UNC5D: variants seen among roughly 807,000 people sequenced by gnomAD.
UNC5D encodes the protein unc-5 netrin receptor D.
UNC5D carries 39 observed loss-of-function variants against 105.4 expected under a neutral mutation model. That is an observed-to-expected ratio of 0.37 (90% CI 0.29 to 0.48). UNC5D has a LOEUF of 0.48. Among genes scored for constraint, UNC5D ranks in the 20% least tolerant of loss-of-function variants. The probability of loss-of-function intolerance (pLI) is 0.98; values close to 1 mark genes in which losing one functional copy is unlikely to be tolerated. For missense variants in UNC5D, 991 were observed against 1,202.4 expected, an observed-to-expected ratio of 0.82 and a Z score of 2.60; for synonymous variants, 452 against 450.4, an observed-to-expected ratio of 1.00 and a Z score of -0.04.
chr8:35,383,904 C>A (rs940688881), intron 1 of UNC5D, among the ~76,000 whole-genome samples: 13 of 151,958 alleles, frequency 8.6e-5, no homozygotes, highest in African/African-American at 1.2e-4. Context: ...CATAACAAGA[C>A]CCTGTCTCTA....
intron 1 of UNC5D, among the ~76,000 whole-genome samples, chr8:35,505,993 G>C (rs1199600497): frequency 6.6e-6 from 1 of 152,178 alleles, no homozygotes; most frequent in Non-Finnish European, 1.5e-5. Context: ...TCCTTGACGT[G>C]TGTTTAGCTA....
chr8:35,237,435 C>T (rs957804871), intron 1 of UNC5D, among the ~76,000 whole-genome samples: 1 of 152,058 alleles, frequency 6.6e-6, no homozygotes, highest in Non-Finnish European at 1.5e-5. Context: ...ATCTAAATGT[C>T]TGAGTTTCCA....
intron 1 of UNC5D, among the ~76,000 whole-genome samples, chr8:35,328,311 C>A (rs1030309383): frequency 6.6e-6 from 1 of 152,114 alleles, no homozygotes; most frequent in Non-Finnish European, 1.5e-5. Context: ...TTGCTAAAAT[C>A]TTTTCAATCA....
rs544574791 is a variant in UNC5D at position 35,675,237 on chromosome 8, T to C, written c.571-8310T>C. Reference sequence around the variant, plus strand: ...CTCTGGGAACTAAAGCAAAGAATAATGGACCCCTCCCTTACCTCTATCCGT... The same window carrying C: ...CTCTGGGAACTAAAGCAAAGAATAACGGACCCCTCCCTTACCTCTATCCGT... On this transcript the variant is annotated intron_variant, in intron 4 of 16. Transcript: ENST00000404895. 4.6e-5 allele frequency among the ~76,000 whole-genome samples: 7 copies of C among 152,272 alleles called. No individual in the cohort carries two copies. In the East Asian group the frequency reaches 1.4e-3, roughly 29 times the overall value.
chr8:35,615,045 C>A (rs57650439), intron 4 of UNC5D, among the ~76,000 whole-genome samples: 22 of 127,262 alleles, frequency 1.7e-4, no homozygotes, highest in South Asian at 1.3e-3. Context: ...GGCCCCCCCC[C>A]CCCCGTCCCC....
At chr8:35,672,477 G>A (rs1370042972) in intron 4 of UNC5D, among the ~76,000 whole-genome samples, 1 of 152,160 alleles carries the variant, frequency 6.6e-6, no homozygotes, top group Non-Finnish European at 1.5e-5. Context: ...TCAAGCTTTG[G>A]CAGCAGCTTC....
At chr8:35,687,587 CA>C (rs1415771499) in intron 7 of UNC5D, among the ~76,000 whole-genome samples, 1 of 151,798 alleles carries the variant, frequency 6.6e-6, no homozygotes, top group Non-Finnish European at 1.5e-5. Context: ...CCTGAGATTA[CA>C]TTATTACCAT....
chr8:35,351,722 A>G (rs1361748158), intron 1 of UNC5D, among the ~76,000 whole-genome samples: 1 of 152,178 alleles, frequency 6.6e-6, no homozygotes, highest in Non-Finnish European at 1.5e-5. Context: ...CCAACTGCCT[A>G]CTATGAGAGT....
chr8:35,405,633 T>C lies in UNC5D; in HGVS notation c.104-143659T>C, dbSNP rs570165680. 2.0e-5 allele frequency among the ~76,000 whole-genome samples: 3 copies of C among 152,318 alleles called. No homozygotes were observed. The South Asian group carries it at 6.2e-4, about 32-fold the overall frequency. ...TCTGTCAGAATTAGTCTTCATTTGGTAATGACGGTTCCCCTAACGTTAAAC... is the reference window on the plus strand; with the variant it reads ...TCTGTCAGAATTAGTCTTCATTTGGCAATGACGGTTCCCCTAACGTTAAAC... On this transcript the variant is annotated intron_variant, in intron 1 of 16. Coordinates refer to ENST00000404895, the MANE Select transcript of UNC5D (RefSeq NM_080872.4).
intron 1 of UNC5D, among the ~76,000 whole-genome samples, chr8:35,271,492 T>C (rs931330614): frequency 1.4e-5 from 2 of 144,238 alleles, no homozygotes; most frequent in African/African-American, 5.0e-5. Context: ...CAGGTACCTA[T>C]ATTTAGGTCT....
At chr8:35,733,433 T>C (rs1444693946) in intron 11 of UNC5D, among the ~76,000 whole-genome samples, 2 of 152,210 alleles carry the variant, frequency 1.3e-5, no homozygotes, top group Non-Finnish European at 2.9e-5. Context: ...GGGCTGTACG[T>C]CTGCCATCCT....
intron 4 of UNC5D, among the ~76,000 whole-genome samples, chr8:35,652,820 C>G (rs1428969591): frequency 6.7e-6 from 1 of 149,424 alleles, no homozygotes; most frequent in East Asian, 2.0e-4. Flanking sequence ...AGCCTGTATT[C>G]TCTTGATCTC....
At chr8:35,410,057 A>T (rs567548979) in intron 1 of UNC5D, among the ~76,000 whole-genome samples, 1 of 151,704 alleles carries the variant, frequency 6.6e-6, no homozygotes, top group African/African-American at 2.4e-5. Context: ...ACAGTAATGA[A>T]TTTTCCAATC....
intron 1 of UNC5D, among the ~76,000 whole-genome samples, chr8:35,497,777 A>G (rs1457416038): frequency 6.6e-6 from 1 of 151,990 alleles, no homozygotes; most frequent in African/African-American, 2.4e-5. Flanking sequence ...CATTGAGATA[A>G]GAGGAAAATC....
intron 1 of UNC5D, among the ~76,000 whole-genome samples, chr8:35,379,895 T>G (rs563774897): frequency 1.3e-5 from 2 of 152,020 alleles, no homozygotes; most frequent in African/African-American, 4.8e-5. Flanking sequence ...CTCACATACA[T>G]TTTTATATAT....
intron 11 of UNC5D, among the ~76,000 whole-genome samples, chr8:35,737,754 T>C (rs1829549702): frequency 3.3e-5 from 5 of 152,178 alleles, no homozygotes; most frequent in Admixed American, 3.3e-4. Flanking sequence ...AGTGAACTGA[T>C]ATCATAAATA....
chr8:35,248,134 TTATATAAAATATATATAA>T (rs1325228886), intron 1 of UNC5D, among the ~76,000 whole-genome samples: 1 of 64,494 alleles, frequency 1.6e-5, no homozygotes, highest in African/African-American at 6.5e-5. Flanking sequence ...TAAATATATA[TTATATAAAATATATATAA>T]TATATAAATA....
intron 1 of UNC5D, among the ~76,000 whole-genome samples, chr8:35,388,372 C>A (rs1407437481): frequency 2.6e-5 from 4 of 151,720 alleles, no homozygotes; most frequent in East Asian, 1.9e-4. Flanking sequence ...TCGAAAAAAA[C>A]CCAAAAAAAC....
intron 16 of UNC5D, among the ~76,000 whole-genome samples, chr8:35,788,705 C>G (rs1462753334): frequency 6.6e-6 from 1 of 151,638 alleles, no homozygotes; most frequent in South Asian, 2.1e-4. Context: ...CACACGCACA[C>G]ACACACACAC....
Sources: gnomAD v4.1 joint callset for allele counts (sites outside exome capture counted in the v4.1 genomes callset) on GRCh38, gnomAD v4.1.1 for gene constraint, MANE v1.5 for transcripts, NCBI Gene and HGNC (gene_info 2026-07-23, HGNC 2026-07-21) for gene names.